PCLO: variants seen among roughly 807,000 people sequenced by gnomAD.
PCLO encodes the protein protein piccolo.
A neutral mutation model predicts 427.5 loss-of-function variants in PCLO; 82 were observed. That is an observed-to-expected ratio of 0.19 (90% confidence interval 0.16 to 0.23). The LOEUF is 0.23. Ranked by LOEUF, PCLO falls within the 10% of genes least tolerant of loss-of-function variation. The pLI, the probability that PCLO is intolerant of heterozygous loss-of-function variation, is 1.00. For synonymous variants in PCLO, 2,357 were observed against 2,155.4 expected (o/e 1.09, Z -2.59); for missense variants, 6,239 against 6,115.9 (o/e 1.02, Z -0.67).
At chr7:82,982,974 G>T in intron 3 of PCLO, among the ~76,000 whole-genome samples, 1 of 151,598 alleles carries the variant, frequency 6.6e-6, no homozygotes, top group African/African-American at 2.4e-5. Flanking sequence ...TCTCACCTGT[G>T]ATTGGGAAAA....
At chr7:82,884,611 G>A (rs1793587168) in intron 9 of PCLO, among the ~76,000 whole-genome samples, 2 of 152,016 alleles carry the variant, frequency 1.3e-5, no homozygotes, top group African/African-American at 2.4e-5. Flanking sequence ...GGGTTTGCCG[G>A]ATACTTCTAT....
chr7:82,876,394 G>T (rs2116024126), intron 10 of PCLO, among the ~76,000 whole-genome samples: 1 of 151,100 alleles, frequency 6.6e-6, no homozygotes, highest in Non-Finnish European at 1.5e-5. Context: ...AATCCATAAG[G>T]GGTTGAGGAT....
chr7:83,025,534 G>A (rs1252518904), intron 3 of PCLO, among the ~76,000 whole-genome samples: 4 of 152,066 alleles, frequency 2.6e-5, no homozygotes, highest in Non-Finnish European at 5.9e-5. Flanking sequence ...CACTCTGCAG[G>A]ATATTATCCA....
At chr7:82,794,160 T>C (rs1261843172) in intron 22 of PCLO, among the ~76,000 whole-genome samples, 1 of 152,146 alleles carries the variant, frequency 6.6e-6, no homozygotes, top group Non-Finnish European at 1.5e-5. Context: ...ACCTTTAGCA[T>C]CTTCTCTACG....
At chr7:82,886,215 T>C (rs1170022888) in intron 9 of PCLO, among the ~76,000 whole-genome samples, 1 of 152,230 alleles carries the variant, frequency 6.6e-6, no homozygotes, top group Non-Finnish European at 1.5e-5. Context: ...GGAAACATTA[T>C]ATTTGTTTTG....
chr7:82,911,219 T>C (rs1794312811), intron 7 of PCLO, among the ~76,000 whole-genome samples: 1 of 152,102 alleles, frequency 6.6e-6, no homozygotes. Flanking sequence ...TAAAGATGAC[T>C]ATCATCCTTT....
intron 13 of PCLO, 29 bp downstream of exon 13, chr7:82,845,241 TG>T: frequency 1.4e-6 from 2 of 1,466,270 alleles, no homozygotes; most frequent in South Asian, 1.1e-5. Context: ...AGAAAACAAG[TG>T]GGTCAGAGGT....
Position 83,162,862 on chromosome 7 carries a change from C to T in PCLO, c.-270G>A, listed in dbSNP as rs897179655. ...ACCTCCCGGACGCCGCCTCGGCGCC[C>T]CGAGCCGGGGAGAAGCAGATCTGAG... On this transcript the variant is annotated 5_prime_UTR_variant, in exon 1 of 25. Coordinates refer to ENST00000333891, the MANE Select transcript of PCLO (RefSeq NM_033026.6). 1.0e-5 allele frequency: 5 copies of T among 500,386 alleles called. No individual in the cohort carries two copies. Among genetic ancestry groups the T allele is most frequent in the East Asian group, 7.3e-5 (2 of 27,280 alleles). 31.0% of individuals were successfully genotyped at this position (500,386 alleles called of 1,614,324 possible).
chr7:82,817,452 T>TA (rs1791700234), intron 20 of PCLO, among the ~76,000 whole-genome samples: 2 of 151,988 alleles, frequency 1.3e-5, no homozygotes, highest in African/African-American at 4.8e-5. Context: ...CTGCTTCTGG[T>TA]CAAAAGAAAA....
intron 3 of PCLO, among the ~76,000 whole-genome samples, chr7:83,094,068 A>G (rs10281351): frequency 0.17 from 25,457 of 151,728 alleles, 3,505 homozygotes; most frequent in African/African-American, 0.38. Flanking sequence ...TTTTATAGCC[A>G]TACCCACTTC....
chr7:82,834,712 A>G (rs1792183449), intron 16 of PCLO, among the ~76,000 whole-genome samples: 1 of 152,164 alleles, frequency 6.6e-6, no homozygotes, highest in South Asian at 2.1e-4. Context: ...TTGGCTATGT[A>G]CTAAGAAATT....
At chr7:82,831,958 G>T (rs1490810987) in intron 16 of PCLO, among the ~76,000 whole-genome samples, 1 of 152,072 alleles carries the variant, frequency 6.6e-6, no homozygotes, top group Non-Finnish European at 1.5e-5. Context: ...CAAAATCTGT[G>T]GAGTTGAAGG....
At chr7:82,981,299 G>C (rs1252768502) in intron 3 of PCLO, among the ~76,000 whole-genome samples, 1 of 151,536 alleles carries the variant, frequency 6.6e-6, no homozygotes, top group Non-Finnish European at 1.5e-5. Context: ...GCCAGAGTTA[G>C]AGGTAGAATT....
intron 3 of PCLO, among the ~76,000 whole-genome samples, chr7:83,041,401 A>C (rs559215906): frequency 6.6e-6 from 1 of 152,254 alleles, no homozygotes; most frequent in East Asian, 1.9e-4. Context: ...TATTTTCATA[A>C]CAGTATAGAC....
intron 3 of PCLO, among the ~76,000 whole-genome samples, chr7:83,095,314 T>C (rs1790505233): frequency 6.6e-6 from 1 of 152,078 alleles, no homozygotes; most frequent in Non-Finnish European, 1.5e-5. Context: ...GTTTCATTAC[T>C]GATAGTGGTA....
chr7:83,142,827 C>G (rs1480040400), intron 2 of PCLO, among the ~76,000 whole-genome samples: 1 of 152,116 alleles, frequency 6.6e-6, no homozygotes, highest in Non-Finnish European at 1.5e-5. Flanking sequence ...GGCATGCTGG[C>G]ATGTGCCTGT....
intron 3 of PCLO, among the ~76,000 whole-genome samples, chr7:82,970,277 A>G (rs1467280164): frequency 1.3e-5 from 2 of 152,080 alleles, no homozygotes; most frequent in African/African-American, 4.8e-5. Context: ...AATGACACTT[A>G]TTGCCATAAC....
At chr7:82,769,702 G>A (rs915026209) in intron 22 of PCLO, among the ~76,000 whole-genome samples, 43 of 152,222 alleles carry the variant, frequency 2.8e-4, no homozygotes, top group African/African-American at 8.4e-4. Context: ...CAAAATTCTC[G>A]TCCCATTACA....
At chr7:83,124,097 T>C (rs1433361498) in intron 3 of PCLO, among the ~76,000 whole-genome samples, 1 of 149,628 alleles carries the variant, frequency 6.7e-6, no homozygotes, top group South Asian at 2.1e-4. Flanking sequence ...GATCATGAGG[T>C]CAGGAAATCG....
Sources: gnomAD v4.1 joint callset for allele counts (sites outside exome capture counted in the v4.1 genomes callset) on GRCh38, gnomAD v4.1.1 for gene constraint, MANE v1.5 for transcripts, NCBI Gene and HGNC (gene_info 2026-07-23, HGNC 2026-07-21) for gene names.